The following CHLSN variants were observed in gnomAD, a reference collection of about 807,000 sequenced individuals.
CHLSN encodes the protein protein cholesin.
the CHLSN span, chr7:997,734 G>C: frequency 3.1e-6 from 5 of 1,611,232 alleles, no homozygotes; most frequent in Admixed American, 6.7e-5. Flanking sequence ...CTTCTGCACC[G>C]TCAGCTCTCG....
chr7:1,023,782 A>G, the CHLSN span, among the ~76,000 whole-genome samples: 1 of 152,160 alleles, frequency 6.6e-6, no homozygotes, highest in African/African-American at 2.4e-5. The surrounding 1 kb of genome is among the most constrained non-coding windows in gnomAD (Gnocchi z 5.0). Flanking sequence ...GCACATGTAG[A>G]AGGCAGGGCT....
the CHLSN span, among the ~76,000 whole-genome samples, chr7:1,066,863 G>A: frequency 2.0e-5 from 3 of 148,562 alleles, no homozygotes; most frequent in East Asian, 3.9e-4. Context: ...GCGGAGGCAG[G>A]AGTACACCCC....
the CHLSN span, chr7:985,347 G>A: frequency 9.1e-6 from 14 of 1,546,114 alleles, no homozygotes; most frequent in Admixed American, 1.2e-4. Context: ...TCCCATCCTT[G>A]GGGTGGGGTG....
chr7:1,101,971 G>A, the CHLSN span, among the ~76,000 whole-genome samples: 165 of 152,388 alleles, frequency 1.1e-3, no homozygotes, highest in Non-Finnish European at 1.7e-3. Flanking sequence ...ACAAGCTGCA[G>A]TGCCTTGGCA....
At chr7:1,010,119 G>T in the CHLSN span, 1 of 1,612,264 alleles carries the variant, frequency 6.2e-7, no homozygotes, top group Non-Finnish European at 8.5e-7. Context: ...TCTGCGTCCA[G>T]CCCGGGCCTG....
At chr7:1,123,538 C>G in the CHLSN span, among the ~76,000 whole-genome samples, 2 of 152,136 alleles carry the variant, frequency 1.3e-5, no homozygotes, top group Non-Finnish European at 2.9e-5. The surrounding 1 kb of genome is among the most constrained non-coding windows in gnomAD (Gnocchi z 4.4). Context: ...ATGCTGCTCC[C>G]CAGGCCCAGC....
At chr7:1,019,217 G>C in the CHLSN span, among the ~76,000 whole-genome samples, 67 of 137,304 alleles carry the variant, frequency 4.9e-4, no homozygotes, top group Non-Finnish European at 6.2e-4. Context: ...AAAAACGGGG[G>C]GGGGGGAGTG....
At chr7:1,026,311 C>T in the CHLSN span, 2 of 152,336 alleles carry the variant, frequency 1.3e-5, no homozygotes, top group East Asian at 3.9e-4. Flanking sequence ...AGAGCCCTCG[C>T]AGAGCCAGCG....
the CHLSN span, chr7:984,342 C>T: frequency 7.4e-6 from 11 of 1,489,648 alleles, no homozygotes; most frequent in Admixed American, 2.2e-5. Flanking sequence ...AGCACAGGCC[C>T]GGCCTGAGGG....
the CHLSN span, among the ~76,000 whole-genome samples, chr7:1,037,411 C>T: frequency 4.7e-5 from 6 of 127,228 alleles, 1 homozygote; most frequent in South Asian, 2.6e-4. Flanking sequence ...CGCGCCGCCA[C>T]GCCTGACTGG....
At chr7:1,091,878 G>A in the CHLSN span, 123 of 1,613,832 alleles carry the variant, frequency 7.6e-5, no homozygotes, top group African/African-American at 1.3e-3. Flanking sequence ...GTGAGCTCTC[G>A]GAGCACCAGC....
the CHLSN span, among the ~76,000 whole-genome samples, chr7:1,095,521 C>A: frequency 1.1e-4 from 16 of 152,234 alleles, no homozygotes; most frequent in Admixed American, 1.0e-3. Flanking sequence ...CACACAGTCC[C>A]GTTCACATAG....
the CHLSN span, among the ~76,000 whole-genome samples, chr7:1,135,772 A>AATATAT: frequency 6.5e-4 from 63 of 97,338 alleles, no homozygotes; most frequent in East Asian, 2.9e-3. Flanking sequence ...CTCAAAAAGA[A>AATATAT]ATATATATAT....
the CHLSN span, among the ~76,000 whole-genome samples, chr7:1,007,069 G>A: frequency 2.0e-5 from 3 of 152,208 alleles, no homozygotes; most frequent in African/African-American, 7.2e-5. Flanking sequence ...TGTCTTGGGG[G>A]CAGAGCCTTC....
the CHLSN span, among the ~76,000 whole-genome samples, chr7:1,023,221 G>C: frequency 2.0e-5 from 3 of 152,348 alleles, no homozygotes; most frequent in Admixed American, 6.5e-5. The surrounding 1 kb of genome is among the most constrained non-coding windows in gnomAD (Gnocchi z 5.0). Flanking sequence ...ACAAGGTCTG[G>C]TGGCTCCTGC....
At chr7:1,072,883 C>G in the CHLSN span, among the ~76,000 whole-genome samples, 1 of 151,968 alleles carries the variant, frequency 6.6e-6, no homozygotes, top group Non-Finnish European at 1.5e-5. Context: ...GGGATTTCAC[C>G]ATGTTGGCCA....
At chr7:995,794 G>C in the CHLSN span, among the ~76,000 whole-genome samples, 2 of 152,268 alleles carry the variant, frequency 1.3e-5, no homozygotes, top group African/African-American at 4.8e-5. Flanking sequence ...CCTGCCGCCG[G>C]CAAGGCCCGC....
At chr7:985,179 G>A in the CHLSN span, 10 of 1,575,378 alleles carry the variant, frequency 6.3e-6, no homozygotes, top group East Asian at 6.9e-5. Context: ...GGCCCTTCCC[G>A]CTGGCCCTAC....
the CHLSN span, among the ~76,000 whole-genome samples, chr7:1,089,569 C>T: frequency 0.016 from 2,500 of 152,188 alleles, 80 homozygotes; most frequent in African/African-American, 0.057. Context: ...CAGGCGCACA[C>T]CACTATGCCC....
Sources: allele counts gnomAD v4.1 joint callset (sites outside exome capture counted in the v4.1 genomes callset), GRCh38; gene constraint gnomAD v4.1.1; non-coding constraint Gnocchi (gnomAD v3.1); transcripts MANE v1.5; gene names NCBI Gene and HGNC (gene_info 2026-07-23, HGNC 2026-07-21).